SCHIP1: variants seen among roughly 807,000 people sequenced by gnomAD.
The protein encoded by SCHIP1 is schwannomin interacting protein 1, also known as schwannomin-interacting protein 1.
A neutral mutation model predicts 29.7 loss-of-function variants in SCHIP1; 8 were observed. The ratio of observed to expected loss-of-function variants is 0.27; its 90% CI spans 0.16 to 0.49. The LOEUF is 0.49. SCHIP1 is among the 20% of genes least tolerant of loss of function. The pLI is 0.99. For missense variants in SCHIP1, 193 were observed against 294.6 expected (o/e 0.66, Z 2.52); for synonymous variants, 76 against 94.9 (o/e 0.80, Z 1.16).
At chr3:159,585,590 A>T in the SCHIP1 span, among the ~76,000 whole-genome samples, 1 of 152,188 alleles carries the variant, frequency 6.6e-6, no homozygotes, top group South Asian at 2.1e-4. Flanking sequence ...GAGTTTTTCA[A>T]ATAAATACAT....
chr3:159,460,830 T>C, the SCHIP1 span, among the ~76,000 whole-genome samples: 2 of 152,184 alleles, frequency 1.3e-5, no homozygotes, highest in South Asian at 4.1e-4. Flanking sequence ...AAAGACTGGC[T>C]GAAACTAATT....
the SCHIP1 span, among the ~76,000 whole-genome samples, chr3:159,517,623 T>TA: frequency 6.6e-6 from 1 of 152,086 alleles, no homozygotes; most frequent in Admixed American, 6.6e-5. Flanking sequence ...CTAATCTGCT[T>TA]AAAAATTTTC....
chr3:159,601,541 G>C, the SCHIP1 span, among the ~76,000 whole-genome samples: 2 of 152,114 alleles, frequency 1.3e-5, no homozygotes, highest in African/African-American at 4.8e-5. Context: ...GGGAGGAGGG[G>C]TCATATTCTC....
At chr3:159,510,400 G>C in the SCHIP1 span, among the ~76,000 whole-genome samples, 6 of 152,098 alleles carry the variant, frequency 3.9e-5, no homozygotes, top group Non-Finnish European at 8.8e-5. Flanking sequence ...TAACTTATTT[G>C]CCATGGGTTC....
At chr3:159,383,378 T>C in the SCHIP1 span, among the ~76,000 whole-genome samples, 1 of 150,730 alleles carries the variant, frequency 6.6e-6, no homozygotes, top group African/African-American at 2.4e-5. Context: ...CTTTCCCCAT[T>C]GCTTGTTTTT....
the SCHIP1 span, among the ~76,000 whole-genome samples, chr3:159,669,825 C>G: frequency 3.3e-5 from 5 of 152,090 alleles, no homozygotes; most frequent in African/African-American, 9.7e-5. Context: ...GAGACAACCC[C>G]CTGTGTTCTG....
At chr3:159,581,019 T>C in the SCHIP1 span, among the ~76,000 whole-genome samples, 2 of 152,200 alleles carry the variant, frequency 1.3e-5, no homozygotes, top group African/African-American at 4.8e-5. Flanking sequence ...TCTTGGTGTA[T>C]GCCTCACCCC....
chr3:159,401,268 G>T, the SCHIP1 span: 22 of 884,656 alleles, frequency 2.5e-5, no homozygotes, highest in South Asian at 9.9e-4. Flanking sequence ...TCTAGTAAAT[G>T]CTGAGCTTGC....
the SCHIP1 span, among the ~76,000 whole-genome samples, chr3:159,621,644 T>A: frequency 6.6e-6 from 1 of 151,368 alleles, no homozygotes; most frequent in Non-Finnish European, 1.5e-5. Context: ...TGTGTGTGGT[T>A]TTTTTGTTGT....
the SCHIP1 span, among the ~76,000 whole-genome samples, chr3:159,666,873 G>A: frequency 1.3e-5 from 2 of 152,190 alleles, no homozygotes; most frequent in East Asian, 1.9e-4. Flanking sequence ...AAACCTGCCC[G>A]ATGTCTACAT....
chr3:159,424,696 C>A, the SCHIP1 span, among the ~76,000 whole-genome samples: 1 of 152,114 alleles, frequency 6.6e-6, no homozygotes, highest in East Asian at 1.9e-4. Flanking sequence ...GAGAACGCCA[C>A]AAAGATACTC....
the SCHIP1 span, among the ~76,000 whole-genome samples, chr3:159,472,922 T>G: frequency 6.6e-6 from 1 of 152,148 alleles, no homozygotes; most frequent in Non-Finnish European, 1.5e-5. Flanking sequence ...GAGTCAAATG[T>G]TTGTTCTCTA....
chr3:159,478,420 A>G, the SCHIP1 span, among the ~76,000 whole-genome samples: 3 of 152,070 alleles, frequency 2.0e-5, no homozygotes, highest in Non-Finnish European at 4.4e-5. Context: ...TGGGCCTTCT[A>G]TCTTGTTCCT....
the SCHIP1 span, among the ~76,000 whole-genome samples, chr3:159,767,555 G>A: frequency 6.6e-6 from 1 of 152,322 alleles, no homozygotes; most frequent in South Asian, 2.1e-4. Flanking sequence ...AAAATGTCTT[G>A]TATGAATATA....
chr3:159,698,102 T>C, the SCHIP1 span, among the ~76,000 whole-genome samples: 1 of 152,240 alleles, frequency 6.6e-6, no homozygotes, highest in African/African-American at 2.4e-5. Flanking sequence ...AGAACTTATA[T>C]GTGGGGAGGC....
the SCHIP1 span, among the ~76,000 whole-genome samples, chr3:159,479,008 A>C: frequency 6.6e-6 from 1 of 152,114 alleles, no homozygotes; most frequent in African/African-American, 2.4e-5. Flanking sequence ...AGCAAATAGA[A>C]ACCATTTTAC....
At chr3:159,795,430 C>T in the SCHIP1 span, among the ~76,000 whole-genome samples, 266 of 152,266 alleles carry the variant, frequency 1.7e-3, 10 homozygotes, top group East Asian at 0.051. Context: ...CAGGATAGTA[C>T]CAACAGGTGA....
chr3:159,527,331 C>T, the SCHIP1 span, among the ~76,000 whole-genome samples: 1 of 152,166 alleles, frequency 6.6e-6, no homozygotes, highest in Non-Finnish European at 1.5e-5. Flanking sequence ...AAAACAGGGC[C>T]TCTGTCAGGA....
chr3:159,508,611 G>A, the SCHIP1 span, among the ~76,000 whole-genome samples: 4 of 152,116 alleles, frequency 2.6e-5, no homozygotes, highest in Admixed American at 6.5e-5. Flanking sequence ...ACTTAGTGCT[G>A]TAAATTTCCC....
Sources: allele counts gnomAD v4.1 joint callset (sites outside exome capture counted in the v4.1 genomes callset), GRCh38; gene constraint gnomAD v4.1.1; transcripts MANE v1.5; gene names NCBI Gene and HGNC (gene_info 2026-07-23, HGNC 2026-07-21).